The following BRD4 variants were observed in gnomAD, a reference collection of about 807,000 sequenced individuals.
BRD4 encodes bromodomain containing 4.
Under a neutral mutation model 142.1 loss-of-function variants are expected in BRD4, and 16 were observed. That is an observed-to-expected ratio of 0.11 (90% CI 0.08 to 0.17). The LOEUF is 0.17. Among genes scored for constraint, BRD4 ranks in the 10% least tolerant of loss-of-function variants. The pLI is 1.00. For synonymous variants in BRD4, 833 were observed against 707.5 expected, an observed-to-expected ratio of 1.18 and a Z score of -2.82; for missense variants, 1,424 against 1,810.9, an observed-to-expected ratio of 0.79 and a Z score of 3.88.
At chr19:15,310,598 A>G (rs889246746) in intron 1 of BRD4, among the ~76,000 whole-genome samples, 9 of 151,780 alleles carry the variant, frequency 5.9e-5, no homozygotes, top group African/African-American at 2.2e-4. Context: ...TGACCTCGTG[A>G]TCCGCCCGCC....
At chr19:15,247,188 C>A (rs1356291112) in intron 11 of BRD4, 1 of 230,442 alleles carries the variant, frequency 4.3e-6, no homozygotes. Flanking sequence ...ACCCACCCCC[C>A]AGCCCCACTC....
In BRD4 at chr19:15,265,573, G is replaced by A. The variant is rs553353421; in HGVS notation, c.630C>T (p.Thr210=). Reference sequence around the variant, plus strand: ...GCACAGGAGGAGGATTCGGCTGAGGGGTCTGGGTCTGCGGAGGAGTCGATG... The same window carrying A: ...GCACAGGAGGAGGATTCGGCTGAGGAGTCTGGGTCTGCGGAGGAGTCGATG... ...TQASTPPQTQ[T]PQPNPPPVQA... is the part of the protein sequence containing the mutation. The change falls in exon 5 of 20, where the codon ACC becomes ACT. Residue 210 remains threonine (T), a synonymous_variant. Coordinates refer to ENST00000679869, the MANE Select transcript of BRD4 (RefSeq NM_001379291.1). The A allele has an allele frequency of 6.2e-6, 10 of 1,614,146 alleles. No individual in the cohort carries two copies. Among genetic ancestry groups the A allele is most frequent in the South Asian group, 5.5e-5 (5 of 91,076 alleles).
chr19:15,239,353 G>C lies in BRD4; in HGVS notation c.3576+39C>G, dbSNP rs187455857. 42 of 1,614,154 alleles carry C rather than the reference G, an allele frequency of 2.6e-5. No individual in the cohort carries two copies. The highest frequency in any genetic ancestry group is 3.3e-4 in the Middle Eastern group (2 of 6,062). ...TGTGCCCAGCATGGCACCTTCCAGG[G>C]CCAAGGGGCAAGCGACACCCATGGA... On this transcript the variant is annotated intron_variant, in intron 17 of 19. Coordinates refer to ENST00000679869, the MANE Select transcript of BRD4 (RefSeq NM_001379291.1). This position sits in a 1 kb window ranked among gnomAD's most constrained non-coding sequence, Gnocchi z 7.4.
rs2145575928 is a variant in BRD4 at position 15,257,051 on chromosome 19, G to A, written c.1464C>T (p.Ser488=). Residue 488 remains serine (S), a synonymous_variant, in exon 8 of 20, where the codon AGC becomes AGT. Transcript: ENST00000679869. ...CACTGTCCGAGGAGCTATCGCTGCTGCTGTCGCTGGATGAGGGCGGGGCCA... is the reference window on the plus strand; with the variant it reads ...CACTGTCCGAGGAGCTATCGCTGCTACTGTCGCTGGATGAGGGCGGGGCCA... ...KVVAPPSSSD[S]SSDSSSDSDS... 6.2e-7 allele frequency: 1 copy of A among 1,601,832 alleles called. No individual in the cohort carries two copies. Among genetic ancestry groups the A allele is most frequent in the Non-Finnish European group, 8.5e-7 (1 of 1,176,106 alleles).
chr19:15,242,032 T>G (rs2047242159), intron 14 of BRD4, among the ~76,000 whole-genome samples: 1 of 152,126 alleles, frequency 6.6e-6, no homozygotes, highest in African/African-American at 2.4e-5. Context: ...AGGCTGGTCT[T>G]GAAACTCCTG....
In BRD4 at chr19:15,299,355, G is replaced by A. The variant is rs766684986; in HGVS notation, c.-34-26222C>T. ...ACAATTCCTTTCTCATGATATATGT[G>A]CTCATATACCCATCAAAGTCTTTTA... is the stretch of plus-strand genomic sequence containing the variant. On this transcript the variant is annotated intron_variant, in intron 1 of 19. Transcript: ENST00000679869. Among the ~76,000 whole-genome samples the A allele has an allele frequency of 3.5e-4, 54 of 152,140 alleles. 1 individual carries two copies. The highest frequency in any genetic ancestry group is 5.9e-4 in the Admixed American group (9 of 15,280).
intron 11 of BRD4, chr19:15,253,230 ATC>A (rs1347880438): frequency 2.3e-6 from 1 of 426,606 alleles, no homozygotes; most frequent in Non-Finnish European, 4.2e-6. Context: ...TGTTAGCTCC[ATC>A]TCTCAGCAGG....
chr19:15,305,991 C>A (rs1157212259), intron 1 of BRD4, among the ~76,000 whole-genome samples: 1 of 152,202 alleles, frequency 6.6e-6, no homozygotes, highest in African/African-American at 2.4e-5. Flanking sequence ...TCAAACTTTT[C>A]TTCTGCAGCT....
intron 1 of BRD4, among the ~76,000 whole-genome samples, chr19:15,301,865 GAAAAAAAAAAA>G (rs952860124): frequency 1.2e-4 from 5 of 40,488 alleles, no homozygotes; most frequent in African/African-American, 2.6e-4. Context: ...CCGTCTCAAA[GAAAAAAAAAAA>G]AAAAAAAAAA....
Position 15,292,691 on chromosome 19 carries a change from T to C in BRD4, c.-34-19558A>G, listed in dbSNP as rs184845358. 2.1e-3 allele frequency among the ~76,000 whole-genome samples: 302 copies of C among 142,596 alleles called. 2 individuals carry two copies. The highest frequency in any genetic ancestry group is 7.7e-3 in the African/African-American group (293 of 38,116). 93.5% of individuals were successfully genotyped at this position (142,596 alleles called of 152,430 possible). A position where few individuals can be genotyped will look rare whatever the true frequency, so the allele number is the denominator to read the frequency against. ...TACTGAGGAGGCTGAGGCAGGAGAA[T>C]GGTATAAACCTGGGAGGCGGAGCTT... On this transcript the variant is annotated intron_variant, in intron 1 of 19. Transcript: ENST00000679869.
Position 15,244,271 on chromosome 19 carries a change from A to C in BRD4, c.2541T>G (p.Thr847=). 6.3e-7 allele frequency: 1 copy of C among 1,586,730 alleles called. No homozygotes were observed. The highest frequency in any genetic ancestry group is 8.6e-7 in the Non-Finnish European group (1 of 1,168,774). Residue 847 remains threonine, a synonymous_variant, in exon 13 of 20, where the codon ACT becomes ACG. Coordinates refer to ENST00000679869, the MANE Select transcript of BRD4 (RefSeq NM_001379291.1). Reference sequence around the variant, plus strand: ...CTGCGTGCTGGTTGAGATGGGGTGGAGTGCTGTGCTCAGGCGGCTGGGGCA... The same window carrying C: ...CTGCGTGCTGGTTGAGATGGGGTGGCGTGCTGTGCTCAGGCGGCTGGGGCA... The part of the protein sequence containing the change: ...PHLPQPPEHS[T]PPHLNQHAVV...
intron 7 of BRD4, among the ~76,000 whole-genome samples, chr19:15,258,732 C>T (rs1472582747): frequency 6.6e-6 from 1 of 151,902 alleles, no homozygotes; most frequent in Non-Finnish European, 1.5e-5. Flanking sequence ...GCCTCAGCCT[C>T]CTTGAGAACT....
chr19:15,285,924 C>A (rs567468856), intron 1 of BRD4, among the ~76,000 whole-genome samples: 1 of 152,226 alleles, frequency 6.6e-6, no homozygotes, highest in Admixed American at 6.5e-5. Context: ...CTTTAGGAGG[C>A]GTGTGTGAGG....
At chr19:15,273,285 G>A (rs1029046869) in intron 1 of BRD4, among the ~76,000 whole-genome samples, 152 bp from the exon 2 acceptor site, 1 of 152,202 alleles carries the variant, frequency 6.6e-6, no homozygotes, top group Non-Finnish European at 1.5e-5. Flanking sequence ...TGCTTTGACT[G>A]AAAGGGTTCC....
chr19:15,281,886 C>G, intron 1 of BRD4, among the ~76,000 whole-genome samples: 1 of 152,244 alleles, frequency 6.6e-6, no homozygotes, highest in Middle Eastern at 3.4e-3. Context: ...GGCATGGCGG[C>G]GTGCACCTGT....
intron 3 of BRD4, 50 bp downstream of exon 3, chr19:15,268,855 C>A: frequency 6.2e-7 from 1 of 1,605,766 alleles, no homozygotes; most frequent in Non-Finnish European, 8.5e-7. Context: ...CTGCCGTCGC[C>A]TCCCCTCCTC....
At chr19:15,276,573 C>G (rs981801139) in intron 1 of BRD4, among the ~76,000 whole-genome samples, 3 of 152,126 alleles carry the variant, frequency 2.0e-5, no homozygotes, top group African/African-American at 2.4e-5. Context: ...CCATGGTCAG[C>G]CCCCTAGGAA....
Position 15,264,627 on chromosome 19 carries a change from G to A in BRD4, c.989C>T (p.Pro330Leu). Residue 330 changes from proline (P) to leucine (L), a missense_variant, in exon 6 of 20, where the codon CCT becomes CTT. By Grantham distance (98) the Pro-to-Leu change is moderately conservative. This residue lies in a region of BRD4 where 86 missense variants were observed against 79.9 expected (regional missense o/e 1.08). Coordinates refer to ENST00000679869, the MANE Select transcript of BRD4 (RefSeq NM_001379291.1). ...QRRESSRPVKPPKKDVPDSQQ... is the reference protein window; with the variant it reads ...QRRESSRPVKLPKKDVPDSQQ... ...AGAGTCGGGCACGTCCTTCTTTGGA[G>A]GTTTCACAGGCCGGCTGCTCTCCCG... 1 of 1,614,080 alleles carries A rather than the reference G, an allele frequency of 6.2e-7. No individual in the cohort carries two copies. The highest frequency in any genetic ancestry group is 1.1e-5 in the South Asian group (1 of 91,074).
intron 11 of BRD4, among the ~76,000 whole-genome samples, chr19:15,251,343 C>T (rs1261689987): frequency 6.7e-6 from 1 of 149,420 alleles, no homozygotes; most frequent in African/African-American, 2.5e-5. Context: ...ATTCATGTCT[C>T]AGGGCCGTTG....
Sources: allele counts gnomAD v4.1 joint callset (sites outside exome capture counted in the v4.1 genomes callset), GRCh38; gene constraint gnomAD v4.1.1; regional missense constraint gnomAD v4.1.1; non-coding constraint Gnocchi (gnomAD v3.1); transcripts MANE v1.5; gene names NCBI Gene and HGNC (gene_info 2026-07-23, HGNC 2026-07-21).